Variants in COL4A4 observed in about 807,000 individuals in gnomAD.
The protein encoded by COL4A4 is collagen alpha-4(IV) chain.
COL4A4 carries 105 observed loss-of-function variants against 192.9 expected under a neutral mutation model. That is an observed-to-expected ratio of 0.54 (90% CI 0.46 to 0.64). The LOEUF (loss-of-function observed/expected upper bound fraction) is 0.64. COL4A4 is among the 30% of genes least tolerant of loss of function. COL4A4 has a pLI of 0.00. For missense variants in COL4A4, 1,967 were observed against 2,169.3 expected, an observed-to-expected ratio of 0.91 and a Z score of 1.85; for synonymous variants, 762 against 769.9, an observed-to-expected ratio of 0.99 and a Z score of 0.17.
At chr2:227,001,342 C>T (rs1960912333), downstream of COL4A4, among the ~76,000 whole-genome samples, 1 of 152,050 alleles carries the variant, frequency 6.6e-6, no homozygotes, top group South Asian at 2.1e-4. Flanking sequence ...ATCCGCCCAC[C>T]TTGGACATGG....
chr2:227,062,490 C>A, intron 26 of COL4A4, 40 bp downstream of exon 26: 1 of 1,219,466 alleles, frequency 8.2e-7, no homozygotes, highest in Middle Eastern at 1.9e-4. Flanking sequence ...TTTTTTTACT[C>A]TGGGAAGTAT....
rs1247867799 is a variant in COL4A4, at chr2:227,103,127, G to T, written c.870+17C>A. 3.8e-6 allele frequency: 6 copies of T among 1,595,312 alleles called. No homozygotes were observed. The South Asian group carries it at 6.9e-5, about 18-fold the overall frequency. ...CATCACACAAATGAAAAAAAAAAAGGTACTTAAATAAACTACCTTGCGTCC... is the reference window on the plus strand; with the variant it reads ...CATCACACAAATGAAAAAAAAAAAGTTACTTAAATAAACTACCTTGCGTCC... On this transcript the variant is annotated intron_variant, in intron 14 of 47. Coordinates refer to ENST00000396625, the MANE Select transcript of COL4A4 (RefSeq NM_000092.5).
chr2:227,104,085 A>G lies in COL4A4; in HGVS notation c.736-33T>C, dbSNP rs535134829. ...AAAAAAGCAAGATAATGAAAATTTC[A>G]TATTAATTTATGTTTTGAAGGTTTT... On this transcript the variant is annotated intron_variant, in intron 12 of 47. Transcript: ENST00000396625. The G allele has an allele frequency of 6.7e-5, 105 of 1,574,170 alleles. 1 individual carries two copies. The South Asian group carries it at 1.0e-3, about 15-fold the overall frequency.
At chr2:227,081,949 C>T (rs944458154) in intron 23 of COL4A4, among the ~76,000 whole-genome samples, 166 bp downstream of exon 23, 2 of 152,102 alleles carry the variant, frequency 1.3e-5, no homozygotes, top group African/African-American at 4.8e-5. Context: ...GGATTTGGCT[C>T]AACATTCATA....
intron 25 of COL4A4, among the ~76,000 whole-genome samples, chr2:227,075,454 ACT>A (rs1204491108): frequency 1.3e-5 from 2 of 151,974 alleles, no homozygotes; most frequent in Non-Finnish European, 2.9e-5. Flanking sequence ...TCATGAAAAA[ACT>A]CTCAATAAAC....
chr2:226,977,194 G>A, the COL4A4 span, among the ~76,000 whole-genome samples: 1,537 of 152,332 alleles, frequency 0.01, 9 homozygotes, highest in Non-Finnish European at 0.017. Context: ...GATGTCTCGC[G>A]TCTCTGGTTT....
chr2:227,108,270 A>C (rs1284724106), intron 12 of COL4A4, among the ~76,000 whole-genome samples: 3 of 152,190 alleles, frequency 2.0e-5, no homozygotes, highest in Non-Finnish European at 4.4e-5. Context: ...TGTGAAATTA[A>C]GCAAAACAAA....
At chr2:227,122,198 C>T (rs1418310286) in intron 4 of COL4A4, among the ~76,000 whole-genome samples, 1 of 152,160 alleles carries the variant, frequency 6.6e-6, no homozygotes, top group Non-Finnish European at 1.5e-5. Context: ...TGGCCAAGGC[C>T]AGCAGCACCA....
chr2:227,048,940 A>G (rs1973473164), intron 34 of COL4A4, among the ~76,000 whole-genome samples: 1 of 152,220 alleles, frequency 6.6e-6, no homozygotes, highest in African/African-American at 2.4e-5. Context: ...TGTTTGTTAT[A>G]GCATTTAGTA....
At chr2:226,982,923 TGTTTTTCAGGATAGCTGG>T in the COL4A4 span, among the ~76,000 whole-genome samples, 531 of 152,340 alleles carry the variant, frequency 3.5e-3, 6 homozygotes, top group Non-Finnish European at 3.9e-3. Context: ...GTATTTGTTG[TGTTTTTCAGGATAGCTGG>T]GTTGCACTTT....
chr2:227,088,917 G>A, intron 21 of COL4A4, 101 bp from the exon 22 acceptor site: 2 of 1,369,074 alleles, frequency 1.5e-6, no homozygotes, highest in Non-Finnish European at 2.1e-6. Context: ...AGAACAAAGA[G>A]TCCGATATGC....
At chr2:227,103,869 C>T in intron 13 of COL4A4, 103 bp downstream of exon 13, 1 of 814,572 alleles carries the variant, frequency 1.2e-6, no homozygotes, top group Non-Finnish European at 2.1e-6. Flanking sequence ...GAAACTAGTG[C>T]AGTGATGCAT....
downstream of COL4A4, among the ~76,000 whole-genome samples, chr2:227,000,599 C>CT (rs1960681975): frequency 6.6e-6 from 1 of 152,080 alleles, no homozygotes; most frequent in South Asian, 2.1e-4. Flanking sequence ...ACAAAAATGA[C>CT]TAAGTTGGCT....
At chr2:227,113,686 T>C (rs1482325701) in intron 8 of COL4A4, among the ~76,000 whole-genome samples, 1 of 152,184 alleles carries the variant, frequency 6.6e-6, no homozygotes, top group Non-Finnish European at 1.5e-5. Flanking sequence ...TATTAATATA[T>C]CATTTAAGCT....
intron 4 of COL4A4, among the ~76,000 whole-genome samples, chr2:227,130,404 C>A (rs1233053047): frequency 6.6e-6 from 1 of 152,170 alleles, no homozygotes. Flanking sequence ...TTCTGCGGGG[C>A]CTAAACAAGG....
chr2:226,973,306 A>G, the COL4A4 span, among the ~76,000 whole-genome samples: 2 of 152,252 alleles, frequency 1.3e-5, no homozygotes, highest in Non-Finnish European at 2.9e-5. Flanking sequence ...TAAGGAAATC[A>G]TTACTCAAAA....
Position 227,042,031 on chromosome 2 carries a change from C to A in COL4A4, c.3505+117G>T, listed in dbSNP as rs7589784. Reference sequence around the variant, plus strand: ...AGTAGGAAGATGCTAATGGCACCTACGGAAAAGAGTGGTATAACCAAGAGC... The same window carrying A: ...AGTAGGAAGATGCTAATGGCACCTAAGGAAAAGAGTGGTATAACCAAGAGC... On this transcript the variant is annotated intron_variant, in intron 37 of 47. Coordinates refer to ENST00000396625, the MANE Select transcript of COL4A4 (RefSeq NM_000092.5). 561 of 773,820 alleles carry A rather than the reference C, an allele frequency of 7.2e-4. 2 individuals carry two copies. In the African/African-American group the frequency reaches 8.8e-3, roughly 12 times the overall value. The allele number at this position is 773,820 out of a possible 1,614,324, so 47.9% of individuals were successfully genotyped here.
At chr2:227,032,701 T>C (rs1483754169) in intron 38 of COL4A4, among the ~76,000 whole-genome samples, 1 of 152,228 alleles carries the variant, frequency 6.6e-6, no homozygotes, top group Non-Finnish European at 1.5e-5. Context: ...ACATTTAATC[T>C]ATTTGGAGGA....
chr2:227,009,729 GAGAAA>G (rs1210437103), intron 46 of COL4A4, among the ~76,000 whole-genome samples: 6 of 46,746 alleles, frequency 1.3e-4, no homozygotes, highest in South Asian at 1.3e-3. Flanking sequence ...GAGAAGAGAA[GAGAAA>G]AGAGAAGAGA....
Sources: gnomAD v4.1 joint callset for allele counts (sites outside exome capture counted in the v4.1 genomes callset) on GRCh38, gnomAD v4.1.1 for gene constraint, MANE v1.5 for transcripts, NCBI Gene and HGNC (gene_info 2026-07-23, HGNC 2026-07-21) for gene names.